Variants in TTF2 observed in about 807,000 individuals in gnomAD.
TTF2 encodes the protein RNA polymerase II termination factor.
Under a neutral mutation model 142.4 loss-of-function variants are expected in TTF2, and 108 were observed. That is an observed-to-expected ratio of 0.76 (90% confidence interval 0.65 to 0.89). TTF2 has a LOEUF of 0.89. Ranked by LOEUF, TTF2 falls within the 40% of genes least tolerant of loss-of-function variation. The pLI is 0.00. For missense variants in TTF2, 1,327 were observed against 1,379.8 expected (o/e 0.96, Z 0.61); for synonymous variants, 483 against 506.2 (o/e 0.95, Z 0.61).
At position 117,080,262 on chromosome 1, in the gene TTF2, T is replaced by G. The variant is rs147196105; in HGVS notation, c.1783+613T>G. Reference sequence around the variant, plus strand: ...CTGACCTCAGGTGCTCCACCTGCCTTGGCCTTCCCAAAGTGCTGGGATTAC... The same window carrying G: ...CTGACCTCAGGTGCTCCACCTGCCTGGGCCTTCCCAAAGTGCTGGGATTAC... On this transcript the variant is annotated intron_variant, in intron 9 of 22. Coordinates refer to ENST00000369466, the MANE Select transcript of TTF2 (RefSeq NM_003594.4). This position sits in a 1 kb window ranked among gnomAD's most constrained non-coding sequence, Gnocchi z 4.3. 6.6e-6 allele frequency among the ~76,000 whole-genome samples: 1 copy of G among 152,084 alleles called. No individual in the cohort carries two copies. Among genetic ancestry groups the G allele is most frequent in the African/African-American group, 2.4e-5 (1 of 41,414 alleles).
chr1:117,093,034 T>G lies in TTF2; in HGVS notation c.2976+133T>G, dbSNP rs1648748877. 2 of 977,354 alleles carry G rather than the reference T, an allele frequency of 2.0e-6. No individual in the cohort carries two copies. Among genetic ancestry groups the G allele is most frequent in the African/African-American group, 3.2e-5 (2 of 61,762 alleles). The allele number at this position is 977,354 out of a possible 1,614,324, so 60.5% of individuals were successfully genotyped here. On this transcript the variant is annotated intron_variant, in intron 18 of 22. Transcript: ENST00000369466. The surrounding 1 kb of genome is among the most constrained non-coding windows in gnomAD (Gnocchi z 4.5). ...GCTAGAGCCGTTAAATTCTAGCTGA[T>G]CAGATTCTCCCTCCAGTCTTAAAGC...
chr1:117,074,430 C>T (rs1254851909), intron 4 of TTF2, among the ~76,000 whole-genome samples: 1 of 152,070 alleles, frequency 6.6e-6, no homozygotes, highest in Non-Finnish European at 1.5e-5. Context: ...AACCAAGCTT[C>T]GAAAGTATCG....
In TTF2 at chr1:117,060,330, T is replaced by C. The variant is rs376494765; in HGVS notation, c.-17T>C. On this transcript the variant is annotated 5_prime_UTR_variant, in exon 1 of 23. Transcript: ENST00000369466. The stretch of plus-strand genomic sequence containing the variant: ...AATTGGGGGCGGGGCTTTGTGGAAC[T>C]TGGGGGACCCAGCGAAATGGAAGAA... The C allele has an allele frequency of 7.5e-6, 12 of 1,594,490 alleles. No individual in the cohort carries two copies. Among genetic ancestry groups the C allele is most frequent in the Non-Finnish European group, 1.0e-5 (12 of 1,170,998 alleles).
At position 117,075,415 on chromosome 1, in the gene TTF2, A is replaced by C; in HGVS notation, c.831A>C (p.Lys277Asn). 2 of 1,614,166 alleles carry C rather than the reference A, an allele frequency of 1.2e-6. No homozygotes were observed. The highest frequency in any genetic ancestry group is 1.7e-6 in the Non-Finnish European group (2 of 1,179,988). Residue 277 changes from lysine (K) to asparagine (N), a missense_variant, in exon 5 of 23, where the codon AAA becomes AAC. By Grantham distance (94) the Lys-to-Asn change is moderately conservative (BLOSUM62 0). Transcript: ENST00000369466. The surrounding 1 kb of genome is among the most constrained non-coding windows in gnomAD (Gnocchi z 4.5). ...HSHNSISKPQ[K>N]GGPLNKEYTN... ...ACAACTCAATAAGCAAGCCCCAGAA[A>C]GGGGGACCCCTCAACAAGGAGTACA... is the stretch of plus-strand genomic sequence containing the variant.
At chr1:117,094,038 GTC>G (rs1389009692) in intron 18 of TTF2, among the ~76,000 whole-genome samples, 2 of 152,154 alleles carry the variant, frequency 1.3e-5, no homozygotes, top group Non-Finnish European at 2.9e-5. Context: ...GCACATCAGT[GTC>G]TCTGTTCTAT....
chr1:117,090,600 C>T lies in TTF2; in HGVS notation c.2565C>T (p.Tyr855=). 6.2e-7 allele frequency: 1 copy of T among 1,613,944 alleles called. No individual in the cohort carries two copies. Among genetic ancestry groups the T allele is most frequent in the Non-Finnish European group, 8.5e-7 (1 of 1,179,954 alleles). ...TTTCTGAAGATGAAGAGACTGTTTA[C>T]AATGTGTTTTTTGCAAGATCAAGGT... ...LKLSEDEETV[Y]NVFFARSRSA... The change falls in exon 15 of 23, where the codon TAC becomes TAT. Residue 855 remains tyrosine (Y), a synonymous_variant. Coordinates refer to ENST00000369466, the MANE Select transcript of TTF2 (RefSeq NM_003594.4). The surrounding 1 kb of genome is among the most constrained non-coding windows in gnomAD (Gnocchi z 4.8).
intron 21 of TTF2, chr1:117,098,078 C>T (rs1173385761): frequency 6.6e-6 from 1 of 152,474 alleles, no homozygotes; most frequent in Non-Finnish European, 1.5e-5. Context: ...CCAGACAGCC[C>T]AGATGGGTAC....
At chr1:117,062,104 C>T (rs372505389) in intron 2 of TTF2, among the ~76,000 whole-genome samples, 1 of 152,106 alleles carries the variant, frequency 6.6e-6, no homozygotes, top group Non-Finnish European at 1.5e-5. Context: ...TTATGTCATT[C>T]GTAGGGGGAT....
rs1655760238 is a variant in TTF2 at position 117,062,460 on chromosome 1, A to C, written c.205A>C (p.Lys69Gln). The C allele has an allele frequency of 6.2e-7, 1 of 1,613,034 alleles. No homozygotes were observed. Among genetic ancestry groups the C allele is most frequent in the East Asian group, 2.2e-5 (1 of 44,856 alleles). The change falls in exon 3 of 23, where the codon AAG (lysine) becomes CAG (glutamine). Residue 69 changes from lysine to glutamine, a missense_variant. By Grantham distance (53) the Lys-to-Gln change is moderately conservative. Transcript: ENST00000369466. Reference sequence around the variant, plus strand: ...TCAGGGTTTGCTTCTGCCACAGGACAAGAAAGAATACAGGTAAGGGTCCAA... The same window carrying C: ...TCAGGGTTTGCTTCTGCCACAGGACCAGAAAGAATACAGGTAAGGGTCCAA... ...ELQGLLLPQD[K>Q]KEYRLFFRCI...
rs201276834 is a variant in TTF2, at chr1:117,077,936, G to A, written c.1594G>A (p.Val532Ile). ...CYRGHTNQDH[V>I]HAVWKITSEA... ...TGCAGGCCATACAAACCAAGATCAC[G>A]TTCATGCAGTGTGGAAAATCACAAG... is the stretch of plus-strand genomic sequence containing the variant. Residue 532 changes from valine to isoleucine, a missense_variant, in exon 8 of 23, where the codon GTT becomes ATT. Val to Ile is a conservative substitution (Grantham distance 29). Transcript: ENST00000369466. 2.4e-5 allele frequency: 39 copies of A among 1,614,176 alleles called. No individual in the cohort carries two copies. The highest frequency in any genetic ancestry group is 1.4e-4 in the South Asian group (13 of 91,082).
At position 117,104,527 on chromosome 1, in the gene TTF2, A is replaced by T. The variant is rs2101299510; in HGVS notation, c.*3003A>T. On this transcript the variant is annotated 3_prime_UTR_variant, in exon 23 of 23. Coordinates refer to ENST00000369466, the MANE Select transcript of TTF2 (RefSeq NM_003594.4). The stretch of plus-strand genomic sequence containing the variant: ...ATTGACAAGTAATCTACTGTAAGGT[A>T]GATGCCTCCTGGTATTTTAAAACAG... 6.6e-6 allele frequency: 1 copy of T among 152,352 alleles called. No homozygotes were observed. Among genetic ancestry groups the T allele is most frequent in the South Asian group, 2.1e-4 (1 of 4,830 alleles). 9.4% of individuals were successfully genotyped at this position (152,352 alleles called of 1,614,324 possible).
Position 117,096,339 on chromosome 1 carries a change from C to T in TTF2, c.3186+40C>T, listed in dbSNP as rs576330649. The T allele has an allele frequency of 1.2e-5, 19 of 1,590,710 alleles. No individual in the cohort carries two copies. In the East Asian group the frequency reaches 3.8e-4, roughly 32 times the overall value. The stretch of plus-strand genomic sequence containing the variant: ...CATCAGAGCCGCATAATTAACTGTT[C>T]TGAGTTATACAAAGAGAATTCTTTT... On this transcript the variant is annotated intron_variant, in intron 20 of 22. Coordinates refer to ENST00000369466, the MANE Select transcript of TTF2 (RefSeq NM_003594.4).
rs1199864002 is a variant in TTF2 at position 117,079,257 on chromosome 1, A to T, written c.1702-311A>T. On this transcript the variant is annotated intron_variant, in intron 8 of 22. Coordinates refer to ENST00000369466, the MANE Select transcript of TTF2 (RefSeq NM_003594.4). This position sits in a 1 kb window ranked among gnomAD's most constrained non-coding sequence, Gnocchi z 4.2. ...TGTCTCAAAAAAATAAAAATAAAAAAATAAAAGCTGTAGAGACTGATTTTG... is the reference window on the plus strand; with the variant it reads ...TGTCTCAAAAAAATAAAAATAAAAATATAAAAGCTGTAGAGACTGATTTTG... 1.3e-5 allele frequency among the ~76,000 whole-genome samples: 2 copies of T among 152,134 alleles called. No homozygotes were observed. The highest frequency in any genetic ancestry group is 2.4e-5 in the African/African-American group (1 of 41,436).
rs1324103347 is a variant in TTF2, at chr1:117,075,682, T to C, written c.1098T>C (p.Pro366=). 2 of 1,614,160 alleles carry C rather than the reference T, an allele frequency of 1.2e-6. No homozygotes were observed. The highest frequency in any genetic ancestry group is 2.2e-5 in the East Asian group (1 of 44,878). The change falls in exon 5 of 23, where the codon CCT becomes CCC. Residue 366 remains proline (P), a synonymous_variant. Coordinates refer to ENST00000369466, the MANE Select transcript of TTF2 (RefSeq NM_003594.4). This position sits in a 1 kb window ranked among gnomAD's most constrained non-coding sequence, Gnocchi z 4.5. ...EDDVVFVSSK[P]GSPLLFDSTL... is the part of the protein sequence containing the mutation. ...ATGTTGTTTTTGTTTCCTCTAAGCC[T>C]GGGAGCCCCCTACTCTTTGACTCGA... is the stretch of plus-strand genomic sequence containing the variant.
chr1:117,092,867 T>C lies in TTF2; in HGVS notation c.2942T>C (p.Met981Thr). 1 of 1,614,190 alleles carries C rather than the reference T, an allele frequency of 6.2e-7. No homozygotes were observed. Among genetic ancestry groups the C allele is most frequent in the Non-Finnish European group, 8.5e-7 (1 of 1,180,036 alleles). The change falls in exon 18 of 23, where the codon ATG becomes ACG. Residue 981 changes from methionine (M) to threonine (T), a missense_variant. Coordinates refer to ENST00000369466, the MANE Select transcript of TTF2 (RefSeq NM_003594.4). The surrounding 1 kb of genome is among the most constrained non-coding windows in gnomAD (Gnocchi z 4.4). ...TCCCTTAACGGCACCTTCTTCAAGA[T>C]GGAGCTTTTTGAAGGCATGCGAGAG... ...TVSLNGTFFK[M>T]ELFEGMREST...
intron 3 of TTF2, among the ~76,000 whole-genome samples, chr1:117,069,303 A>G (rs1656398161): frequency 6.6e-6 from 1 of 152,172 alleles, no homozygotes; most frequent in African/African-American, 2.4e-5. Flanking sequence ...TAGAGCGCTA[A>G]ATTGAAGACG....
chr1:117,092,891 A>G lies in TTF2; in HGVS notation c.2966A>G (p.Glu989Gly), dbSNP rs903531922. The G allele has an allele frequency of 2.5e-6, 4 of 1,614,188 alleles. No individual in the cohort carries two copies. The highest frequency in any genetic ancestry group is 3.4e-6 in the Non-Finnish European group (4 of 1,180,034). The change falls in exon 18 of 23, where the codon GAG becomes GGG. Residue 989 changes from glutamate to glycine, a missense_variant. Glu to Gly is a moderately conservative substitution (Grantham distance 98, BLOSUM62 -2). Transcript: ENST00000369466. The surrounding 1 kb of genome is among the most constrained non-coding windows in gnomAD (Gnocchi z 4.4). ...ATGGAGCTTTTTGAAGGCATGCGAG[A>G]GAGCACCAAGGTACTTTTTGTCTCC... ...FKMELFEGMR[E>G]STKISSLLAE...
At position 117,093,923 on chromosome 1, in the gene TTF2, C is replaced by T. The variant is rs545583318; in HGVS notation, c.2976+1022C>T. Among the ~76,000 whole-genome samples the T allele has an allele frequency of 6.6e-6, 1 of 152,296 alleles. No homozygotes were observed. The highest frequency in any genetic ancestry group is 2.1e-4 in the South Asian group (1 of 4,824). On this transcript the variant is annotated intron_variant, in intron 18 of 22. Coordinates refer to ENST00000369466, the MANE Select transcript of TTF2 (RefSeq NM_003594.4). The surrounding 1 kb of genome is among the most constrained non-coding windows in gnomAD (Gnocchi z 4.5). ...CTGGAATTTGACCCCGGCTCGTGGG[C>T]CATAAATCCAGCCCTCCTGCTGCAG...
intron 3 of TTF2, among the ~76,000 whole-genome samples, chr1:117,068,544 A>T (rs1001605170): frequency 4.5e-5 from 6 of 132,258 alleles, no homozygotes; most frequent in African/African-American, 1.3e-4. Flanking sequence ...AAAGTGTAAT[A>T]AAAAAAAAAA....
Sources: allele counts gnomAD v4.1 joint callset (sites outside exome capture counted in the v4.1 genomes callset), GRCh38; gene constraint gnomAD v4.1.1; non-coding constraint Gnocchi (gnomAD v3.1); transcripts MANE v1.5; gene names NCBI Gene and HGNC (gene_info 2026-07-23, HGNC 2026-07-21).